Variants in C2orf80 observed in about 807,000 individuals in gnomAD.
C2orf80 encodes the protein chromosome 2 open reading frame 80.
C2orf80 carries 28 observed loss-of-function variants against 30.2 expected under a neutral mutation model. The ratio of observed to expected loss-of-function variants is 0.93; its 90% CI spans 0.69 to 1.27. The LOEUF (loss-of-function observed/expected upper bound fraction) is 1.27, where lower values mean the gene tolerates loss of function less well. Among genes scored for constraint, C2orf80 ranks in the 50% most tolerant of loss-of-function variants. The pLI is 0.00. For missense variants in C2orf80, 220 were observed against 231.0 expected (o/e 0.95, Z 0.31); for synonymous variants, 80 against 76.4 (o/e 1.05, Z -0.24).
Position 208,190,030 on chromosome 2 carries a change from T to C in C2orf80, c.-153A>G. 1.4e-6 allele frequency: 1 copy of C among 702,646 alleles called. No homozygotes were observed. The highest frequency in any genetic ancestry group is 2.6e-6 in the Non-Finnish European group (1 of 384,908). 43.5% of individuals were successfully genotyped at this position (702,646 alleles called of 1,614,324 possible). ...GCTGAAGCATCCGCGCATCTCAGAC[T>C]GGTGCTCACAGACATCAGGAACACA... On this transcript the variant is annotated 5_prime_UTR_variant, in exon 1 of 9. Coordinates refer to ENST00000341287, the MANE Select transcript of C2orf80 (RefSeq NM_001099334.3).
At chr2:208,188,978 C>G (rs1478161219) in intron 1 of C2orf80, among the ~76,000 whole-genome samples, 1 of 152,164 alleles carries the variant, frequency 6.6e-6, no homozygotes, top group South Asian at 2.1e-4. Context: ...GAAAGCCACA[C>G]TCATTGATGT....
rs543150265 is a variant in C2orf80, at chr2:208,179,801, T to A, written c.366+944A>T. Reference sequence around the variant, plus strand: ...TGGAGTCAGAACTCAAACCCAGGTCTCTGAACTCCCAGGTCATTGCTGCTT... The same window carrying A: ...TGGAGTCAGAACTCAAACCCAGGTCACTGAACTCCCAGGTCATTGCTGCTT... On this transcript the variant is annotated intron_variant, in intron 6 of 8. Transcript: ENST00000341287. Among the ~76,000 whole-genome samples the A allele has an allele frequency of 6.1e-4, 93 of 152,094 alleles. 2 individuals carry two copies. In the South Asian group the frequency reaches 0.018, roughly 29 times the overall value.
intron 6 of C2orf80, among the ~76,000 whole-genome samples, chr2:208,175,218 G>C (rs868544756): frequency 3.6e-4 from 54 of 151,032 alleles, no homozygotes; most frequent in African/African-American, 8.7e-4. Context: ...CCCCGGGGGG[G>C]GGGGGGGCGG....
At chr2:208,174,293 C>T (rs1006455594) in intron 6 of C2orf80, among the ~76,000 whole-genome samples, 2 of 152,094 alleles carry the variant, frequency 1.3e-5, no homozygotes, top group African/African-American at 4.8e-5. Flanking sequence ...TTGTTTAAAA[C>T]ATAGGTCCCT....
chr2:208,165,872 C>A, intron 8 of C2orf80, 57 bp from the exon 9 acceptor site: 2 of 1,225,220 alleles, frequency 1.6e-6, no homozygotes, highest in South Asian at 2.6e-5. Context: ...TGGACACAGA[C>A]ATTACTTTAA....
intron 2 of C2orf80, among the ~76,000 whole-genome samples, chr2:208,185,803 C>T (rs1485247672): frequency 6.6e-6 from 1 of 152,262 alleles, no homozygotes; most frequent in East Asian, 1.9e-4. Context: ...TCTTAAATTT[C>T]TGCCGAAATT....
chr2:208,176,937 A>AGC (rs1696338936), intron 6 of C2orf80, among the ~76,000 whole-genome samples: 1 of 89,206 alleles, frequency 1.1e-5, no homozygotes, highest in Non-Finnish European at 2.4e-5. Flanking sequence ...ATATGTATAC[A>AGC]TATCTGTATA....
intron 6 of C2orf80, 25 bp downstream of exon 6, chr2:208,180,720 A>G: frequency 1.2e-5 from 19 of 1,585,622 alleles, no homozygotes; most frequent in Non-Finnish European, 1.6e-5. Context: ...AATCCCTTCT[A>G]TTGACAATCC....
intron 8 of C2orf80, among the ~76,000 whole-genome samples, chr2:208,168,132 C>T (rs1010421268): frequency 6.6e-6 from 1 of 151,952 alleles, no homozygotes. Context: ...ATACTTATTC[C>T]TTTAATATAG....
rs112844878 is a variant in C2orf80, at chr2:208,182,120, A to C, written c.207-815T>G. Among the ~76,000 whole-genome samples the C allele has an allele frequency of 1.8e-3, 275 of 152,282 alleles. 1 individual carries two copies. The highest frequency in any genetic ancestry group is 6.4e-3 in the African/African-American group (266 of 41,552). On this transcript the variant is annotated intron_variant, in intron 4 of 8. Coordinates refer to ENST00000341287, the MANE Select transcript of C2orf80 (RefSeq NM_001099334.3). ...AGTCCAGAGCCATTGAGTAGAAAAA[A>C]AATAACAGGCCTCCAGAATAAGCTA...
chr2:208,172,406 A>G (rs1227680413), intron 6 of C2orf80, among the ~76,000 whole-genome samples: 4 of 152,074 alleles, frequency 2.6e-5, no homozygotes, highest in Admixed American at 6.6e-5. Context: ...TGTAGCTCAA[A>G]TATGACCCCT....
At position 208,170,022 on chromosome 2, in the gene C2orf80, A is replaced by G. The variant is rs373504628; in HGVS notation, c.573+923T>C. On this transcript the variant is annotated intron_variant, in intron 8 of 8. Transcript: ENST00000341287. ...GTAGTCCAGTCTATTCAGAGATTCA[A>G]TTTAAAAATGCATGGTACAACAGCC... Among the ~76,000 whole-genome samples the G allele has an allele frequency of 5.8e-4, 88 of 152,324 alleles. 1 individual carries two copies. The highest frequency in any genetic ancestry group is 3.4e-3 in the Middle Eastern group (1 of 292).
chr2:208,186,170 T>TATATGTGTATACATGTATATATGTAC (rs2105914444), intron 2 of C2orf80, among the ~76,000 whole-genome samples: 1 of 152,308 alleles, frequency 6.6e-6, no homozygotes, highest in African/African-American at 2.4e-5. Flanking sequence ...TGAATTCACA[T>TATATGTGTATACATGTATATATGTAC]ATATGTGTAT....
chr2:208,172,710 A>C (rs1345215504), intron 6 of C2orf80, among the ~76,000 whole-genome samples: 1 of 152,232 alleles, frequency 6.6e-6, no homozygotes, highest in Admixed American at 6.5e-5. Context: ...TTTGGAAAGC[A>C]GTTTAGCTTT....
chr2:208,179,995 G>T (rs1346105609), intron 6 of C2orf80, among the ~76,000 whole-genome samples: 5 of 152,072 alleles, frequency 3.3e-5, no homozygotes, highest in African/African-American at 1.2e-4. Context: ...TAGTGTTGTG[G>T]GAAAGGAAGA....
At chr2:208,169,691 T>TG (rs1296147770) in intron 8 of C2orf80, among the ~76,000 whole-genome samples, 1 of 131,194 alleles carries the variant, frequency 7.6e-6, no homozygotes, top group Non-Finnish European at 1.6e-5. Flanking sequence ...CGAGTGTGGG[T>TG]GACAGAGTGA....
intron 8 of C2orf80, among the ~76,000 whole-genome samples, chr2:208,167,727 C>T (rs1204503352): frequency 6.6e-6 from 1 of 151,768 alleles, no homozygotes; most frequent in East Asian, 2.0e-4. Context: ...TAGGCGTGCA[C>T]CACCACACCC....
chr2:208,176,694 G>A (rs71350715), intron 6 of C2orf80, among the ~76,000 whole-genome samples: 22,691 of 151,680 alleles, frequency 0.15, 1,945 homozygotes, highest in South Asian at 0.25. Flanking sequence ...CCATCTTTGC[G>A]TCCCTGTTTT....
intron 4 of C2orf80, among the ~76,000 whole-genome samples, chr2:208,182,038 C>T (rs1205440303): frequency 6.6e-6 from 1 of 152,010 alleles, no homozygotes; most frequent in African/African-American, 2.4e-5. Flanking sequence ...ATTGGATTTT[C>T]AAATTGGTCA....
Sources: allele counts gnomAD v4.1 joint callset (sites outside exome capture counted in the v4.1 genomes callset), GRCh38; gene constraint gnomAD v4.1.1; transcripts MANE v1.5; gene names NCBI Gene and HGNC (gene_info 2026-07-23, HGNC 2026-07-21).